DNAH14: variants seen among roughly 807,000 people sequenced by gnomAD.
DNAH14 encodes the protein axonemal beta dynein heavy chain 14.
DNAH14 carries 478 observed loss-of-function variants against 520.9 expected under a neutral mutation model. The observed-to-expected ratio is 0.92, with a 90% CI of 0.85 to 0.99. DNAH14 has a LOEUF of 0.99. DNAH14 is among the 50% of genes least tolerant of loss of function. The pLI is 0.00. For synonymous variants in DNAH14, 1,581 were observed against 1,757.2 expected, an observed-to-expected ratio of 0.90 and a Z score of 2.51; for missense variants, 4,831 against 5,234.5, an observed-to-expected ratio of 0.92 and a Z score of 2.38.
intron 60 of DNAH14, among the ~76,000 whole-genome samples, chr1:225,316,586 C>A (rs974896200): frequency 6.6e-6 from 1 of 152,188 alleles, no homozygotes; most frequent in Non-Finnish European, 1.5e-5. Context: ...TCCCTCATGG[C>A]TTTCCTTGGC....
intron 64 of DNAH14, among the ~76,000 whole-genome samples, chr1:225,325,746 C>T (rs1382247268): frequency 1.3e-5 from 2 of 151,956 alleles, no homozygotes; most frequent in Admixed American, 1.3e-4. Flanking sequence ...TTACAGTCTT[C>T]CCACCCCTCA....
intron 4 of DNAH14, among the ~76,000 whole-genome samples, chr1:224,962,074 T>C (rs1371793375): frequency 6.6e-6 from 1 of 152,174 alleles, no homozygotes; most frequent in Admixed American, 6.6e-5. Context: ...TAATTTAGTA[T>C]TCATGTACTT....
intron 58 of DNAH14, among the ~76,000 whole-genome samples, chr1:225,306,743 G>T (rs1205595811): frequency 6.6e-6 from 1 of 151,844 alleles, no homozygotes; most frequent in Admixed American, 6.6e-5. Context: ...ACCCCCTAAT[G>T]CGTGGGCCAT....
chr1:224,965,244 C>G (rs1349951924), intron 5 of DNAH14, among the ~76,000 whole-genome samples: 2 of 151,948 alleles, frequency 1.3e-5, no homozygotes, highest in African/African-American at 4.8e-5. Context: ...AAAATGTGGT[C>G]CCCAGGCAAG....
chr1:225,315,995 T>C (rs2150161826), intron 60 of DNAH14, among the ~76,000 whole-genome samples: 1 of 152,016 alleles, frequency 6.6e-6, no homozygotes, highest in Middle Eastern at 3.4e-3. Flanking sequence ...CAGATGGGAG[T>C]TTTATCTATA....
intron 11 of DNAH14, among the ~76,000 whole-genome samples, chr1:225,037,076 CTT>C (rs1281652973): frequency 6.6e-6 from 1 of 152,004 alleles, no homozygotes; most frequent in Non-Finnish European, 1.5e-5. Flanking sequence ...CATGGAATAT[CTT>C]TTTTTGTAGC....
intron 77 of DNAH14, among the ~76,000 whole-genome samples, chr1:225,369,155 TAAC>T (rs751940431): frequency 2.6e-5 from 4 of 150,974 alleles, no homozygotes; most frequent in Non-Finnish European, 3.0e-5. Flanking sequence ...AGAAAATAAA[TAAC>T]AATTTGATCA....
At chr1:224,942,695 T>G (rs111460228) in intron 1 of DNAH14, among the ~76,000 whole-genome samples, 6,354 of 152,152 alleles carry the variant, frequency 0.042, 218 homozygotes, top group Non-Finnish European at 0.061. Context: ...ACCTAATTTA[T>G]TCAGAGTTTT....
At chr1:224,991,261 A>ATTTTTTTTTTT (rs60395237) in intron 8 of DNAH14, among the ~76,000 whole-genome samples, 1 of 134,934 alleles carries the variant, frequency 7.4e-6, no homozygotes, top group Non-Finnish European at 1.6e-5. Context: ...TGCCCAGCTA[A>ATTTTTTTTTTT]TTTTTTTTTT....
rs1211378664 is a variant in DNAH14 at position 225,276,801 on chromosome 1, A to G, written c.8179-609A>G. ...CATTGTGGTGCCAGTGCCTGCTTGT[A>G]AGTCCCAGCTACACAGGGCTGAGGC... On this transcript the variant is annotated intron_variant, in intron 53 of 85. Transcript: ENST00000682510. Among the ~76,000 whole-genome samples, 3 of 150,914 alleles carry G rather than the reference A, an allele frequency of 2.0e-5. No homozygotes were observed. The East Asian group carries it at 5.9e-4, about 30-fold the overall frequency.
chr1:225,082,392 A>G (rs1423101743), intron 19 of DNAH14, among the ~76,000 whole-genome samples, 157 bp from the exon 20 acceptor site: 2 of 152,168 alleles, frequency 1.3e-5, no homozygotes, highest in Non-Finnish European at 2.9e-5. Flanking sequence ...GGGTAATGTT[A>G]ATAAAGCTCA....
chr1:225,293,445 G>T (rs993604844), intron 55 of DNAH14, among the ~76,000 whole-genome samples: 4 of 152,090 alleles, frequency 2.6e-5, no homozygotes, highest in African/African-American at 9.7e-5. Context: ...TGACAGGCTG[G>T]ATAAAGAATA....
At chr1:224,944,661 T>G (rs952610677) in intron 1 of DNAH14, among the ~76,000 whole-genome samples, 9 of 152,218 alleles carry the variant, frequency 5.9e-5, no homozygotes, top group Admixed American at 5.2e-4. Context: ...TAGTGCTACC[T>G]TCAGGAGCTC....
At chr1:224,969,751 C>G (rs1381760400) in intron 7 of DNAH14, 1 of 189,252 alleles carries the variant, frequency 5.3e-6, no homozygotes, top group Non-Finnish European at 1.1e-5. Flanking sequence ...ATTTCTTACA[C>G]CTGTCTTTAC....
intron 17 of DNAH14, among the ~76,000 whole-genome samples, chr1:225,064,749 G>A (rs1189052489): frequency 1.3e-5 from 2 of 151,954 alleles, no homozygotes; most frequent in Non-Finnish European, 2.9e-5. Flanking sequence ...TAGACAGATT[G>A]TTTTCTGAAG....
At chr1:225,132,418 G>T (rs1172674574) in intron 27 of DNAH14, among the ~76,000 whole-genome samples, 2 of 151,690 alleles carry the variant, frequency 1.3e-5, no homozygotes, top group Non-Finnish European at 2.9e-5. Flanking sequence ...CACCCCATGT[G>T]TCTGTGTGTT....
intron 17 of DNAH14, among the ~76,000 whole-genome samples, chr1:225,064,677 G>A (rs1246154792): frequency 2.0e-5 from 3 of 151,948 alleles, no homozygotes; most frequent in African/African-American, 7.2e-5. Flanking sequence ...TACCTACTAT[G>A]TGATTCCATG....
chr1:225,366,814 C>T (rs1037986062), intron 76 of DNAH14, among the ~76,000 whole-genome samples: 10 of 151,876 alleles, frequency 6.6e-5, no homozygotes, highest in Non-Finnish European at 1.0e-4. Context: ...CTCTTTTCCC[C>T]GAGAAGATTT....
At chr1:225,283,679 A>T (rs2093675501) in intron 54 of DNAH14, among the ~76,000 whole-genome samples, 1 of 152,116 alleles carries the variant, frequency 6.6e-6, no homozygotes. Flanking sequence ...TAGTAAAACA[A>T]CTTGAACTAA....
Sources: gnomAD v4.1 joint callset for allele counts (sites outside exome capture counted in the v4.1 genomes callset) on GRCh38, gnomAD v4.1.1 for gene constraint, MANE v1.5 for transcripts, NCBI Gene and HGNC (gene_info 2026-07-23, HGNC 2026-07-21) for gene names.